Variants in ACTN1 observed in about 807,000 individuals in gnomAD.
The protein encoded by ACTN1 is actinin alpha 1.
Under a neutral mutation model 119.6 loss-of-function variants are expected in ACTN1, and 30 were observed. The ratio of observed to expected loss-of-function variants is 0.25; its 90% CI spans 0.19 to 0.34. The LOEUF is 0.34. ACTN1 is among the 10% of genes least tolerant of loss of function. ACTN1 has a pLI of 1.00. For missense variants in ACTN1, 764 were observed against 1,223.4 expected, an observed-to-expected ratio of 0.62 and a Z score of 5.60; for synonymous variants, 429 against 472.6, an observed-to-expected ratio of 0.91 and a Z score of 1.20.
At position 68,885,642 on chromosome 14, in the gene ACTN1, C is replaced by T. The variant is rs2031939687; in HGVS notation, c.1235-67G>A. 1 of 1,544,200 alleles carries T rather than the reference C, an allele frequency of 6.5e-7. No homozygotes were observed. The highest frequency in any genetic ancestry group is 8.8e-7 in the Non-Finnish European group (1 of 1,141,530). On this transcript the variant is annotated intron_variant, in intron 11 of 21. Transcript: ENST00000394419. The surrounding 1 kb of genome is among the most constrained non-coding windows in gnomAD (Gnocchi z 5.6). ...GCATCTCCTTGGTCCCAACCGCCCA[C>T]CCCTCAGGGCCCCAGGAGCTCCACT...
intron 3 of ACTN1, among the ~76,000 whole-genome samples, chr14:68,919,009 C>T (rs2140342643): frequency 6.6e-6 from 1 of 152,310 alleles, no homozygotes; most frequent in African/African-American, 2.4e-5. Flanking sequence ...AGATGGCCCA[C>T]GTAAAGCACC....
intron 8 of ACTN1, among the ~76,000 whole-genome samples, chr14:68,894,735 A>G (rs2032749872): frequency 6.6e-6 from 1 of 152,172 alleles, no homozygotes; most frequent in South Asian, 2.1e-4. Flanking sequence ...GAGAAGACAG[A>G]CATGCATCCT....
chr14:68,948,181 A>C (rs551140233), intron 1 of ACTN1, among the ~76,000 whole-genome samples: 55 of 152,022 alleles, frequency 3.6e-4, no homozygotes, highest in African/African-American at 1.2e-3. Context: ...CCTTCCACTT[A>C]GCAGAGGCAC....
chr14:68,882,685 C>T lies in ACTN1; in HGVS notation c.1819-93G>A, dbSNP rs1479159391. The T allele has an allele frequency of 6.4e-6, 10 of 1,569,344 alleles. No homozygotes were observed. The highest frequency in any genetic ancestry group is 1.2e-5 in the South Asian group (1 of 86,044). On this transcript the variant is annotated intron_variant, in intron 15 of 21. Transcript: ENST00000394419. The surrounding 1 kb of genome is among the most constrained non-coding windows in gnomAD (Gnocchi z 4.5). ...ATGGAGGACCCAGAAGGGGAAGGGC[C>T]GGTCAGTAACAGAACAGGAGTAAAG... is the stretch of plus-strand genomic sequence containing the variant.
intron 20 of ACTN1, chr14:68,877,469 C>A: frequency 1.9e-6 from 1 of 527,672 alleles, no homozygotes; most frequent in Non-Finnish European, 3.4e-6. Flanking sequence ...CCTCTTAGAG[C>A]AAATAATCAT....
Position 68,927,654 on chromosome 14 carries a change from C to T in ACTN1, c.106-1982G>A, listed in dbSNP as rs181366109. ...GACCCCCTGGACACAGAAGACAGCTCGGAGGAAAGAGGACGCAGCAGGACA... is the reference window on the plus strand; with the variant it reads ...GACCCCCTGGACACAGAAGACAGCTTGGAGGAAAGAGGACGCAGCAGGACA... On this transcript the variant is annotated intron_variant, in intron 1 of 21. Transcript: ENST00000394419. Among the ~76,000 whole-genome samples the T allele has an allele frequency of 1.5e-3, 233 of 152,194 alleles. 5 individuals are homozygous for T. The highest frequency in any genetic ancestry group is 3.4e-3 in the Middle Eastern group (1 of 294).
At chr14:68,971,129 G>A (rs1047070423) in intron 1 of ACTN1, among the ~76,000 whole-genome samples, 13 of 152,170 alleles carry the variant, frequency 8.5e-5, no homozygotes, top group Non-Finnish European at 7.3e-5. Flanking sequence ...GTTAAAAGCC[G>A]AGTTCTGAGG....
chr14:68,938,491 G>A (rs2035630258), intron 1 of ACTN1, among the ~76,000 whole-genome samples: 1 of 152,022 alleles, frequency 6.6e-6, no homozygotes, highest in Non-Finnish European at 1.5e-5. Context: ...GGATAACAAG[G>A]CCTACAATGG....
At chr14:68,943,596 G>A (rs1302403802) in intron 1 of ACTN1, among the ~76,000 whole-genome samples, 1 of 152,152 alleles carries the variant, frequency 6.6e-6, no homozygotes, top group Non-Finnish European at 1.5e-5. Context: ...GGACACTGAT[G>A]GCAACGTGGA....
intron 1 of ACTN1, chr14:68,936,988 G>A: frequency 2.8e-6 from 1 of 354,536 alleles, no homozygotes; most frequent in Non-Finnish European, 5.5e-6. Flanking sequence ...TGTACTCCAG[G>A]GTCTTTTGAG....
chr14:68,955,693 T>C (rs1205811123), intron 1 of ACTN1, among the ~76,000 whole-genome samples: 2 of 152,214 alleles, frequency 1.3e-5, no homozygotes, highest in African/African-American at 4.8e-5. Context: ...CTGCCTGATA[T>C]GGATGGCCCC....
At chr14:68,886,443 C>T (rs1594761796) in intron 11 of ACTN1, 1 of 152,290 alleles carries the variant, frequency 6.6e-6, no homozygotes, top group Middle Eastern at 3.4e-3. Flanking sequence ...TCAGTCTTTC[C>T]TTATGTGGAT....
chr14:68,938,399 T>C (rs2035625829), intron 1 of ACTN1, among the ~76,000 whole-genome samples: 1 of 152,056 alleles, frequency 6.6e-6, no homozygotes, highest in Admixed American at 6.6e-5. Context: ...TAGGCTCCAG[T>C]GCCAGCCCAC....
intron 8 of ACTN1, among the ~76,000 whole-genome samples, chr14:68,901,594 G>A (rs1015118741): frequency 6.6e-6 from 1 of 152,204 alleles, no homozygotes; most frequent in Non-Finnish European, 1.5e-5. Context: ...TGGAGGGCAG[G>A]AGATCTGCAT....
intron 1 of ACTN1, among the ~76,000 whole-genome samples, chr14:68,954,977 A>G (rs144345729): frequency 3.2e-3 from 481 of 152,214 alleles, no homozygotes; most frequent in Non-Finnish European, 4.7e-3. Flanking sequence ...GCTCCTCTTT[A>G]CTAATCCTTC....
Position 68,884,293 on chromosome 14 carries a change from G to A in ACTN1, c.1510C>T (p.Leu504=). ...REALERTEKL[L]ETIDQLYLEY... ...AAGTACAGCTGGTCAATGGTCTCCA[G>A]CAGTTTCTCGGTCCGCTGGGAGTGC... The change falls in exon 14 of 22, where the codon CTG becomes TTG. Residue 504 remains leucine (L), a synonymous_variant. Transcript: ENST00000394419. 6.2e-7 allele frequency: 1 copy of A among 1,614,130 alleles called. No homozygotes were observed. Among genetic ancestry groups the A allele is most frequent in the Non-Finnish European group, 8.5e-7 (1 of 1,179,968 alleles).
At chr14:68,896,446 G>A (rs1366807639) in intron 8 of ACTN1, among the ~76,000 whole-genome samples, 1 of 152,150 alleles carries the variant, frequency 6.6e-6, no homozygotes. Flanking sequence ...GGAGCAGAAG[G>A]AAAGGCCGCT....
In ACTN1 at chr14:68,891,967, A is replaced by G. The variant is rs559497259; in HGVS notation, c.1086+86T>C. ...AGCAAACACGCCCATCCGCACCCCC[A>G]TAAAGCTGAATTTGACCACAACTAG... On this transcript the variant is annotated intron_variant, in intron 10 of 21. Coordinates refer to ENST00000394419, the MANE Select transcript of ACTN1 (RefSeq NM_001130004.2). 15 of 1,523,372 alleles carry G rather than the reference A, an allele frequency of 9.8e-6. No homozygotes were observed. In the African/African-American group the frequency reaches 1.4e-4, roughly 14 times the overall value. The allele number at this position is 1,523,372 out of a possible 1,614,324, so 94.4% of individuals were successfully genotyped here.
intron 1 of ACTN1, among the ~76,000 whole-genome samples, chr14:68,940,745 G>A (rs1332793049): frequency 1.3e-5 from 2 of 151,308 alleles, no homozygotes; most frequent in Non-Finnish European, 2.9e-5. Flanking sequence ...GTGCCTTGTT[G>A]ACCAGAAACA....
Sources: gnomAD v4.1 joint callset for allele counts (sites outside exome capture counted in the v4.1 genomes callset) on GRCh38, gnomAD v4.1.1 for gene constraint, Gnocchi (gnomAD v3.1) non-coding constraint, MANE v1.5 for transcripts, NCBI Gene and HGNC (gene_info 2026-07-23, HGNC 2026-07-21) for gene names.